Variants in LAMA2 observed in about 807,000 individuals in gnomAD.
LAMA2 encodes laminin subunit alpha 2.
Under a neutral mutation model 364.8 loss-of-function variants are expected in LAMA2, and 269 were observed. That is an observed-to-expected ratio of 0.74 (90% CI 0.67 to 0.82). The LOEUF is 0.82. LAMA2 is among the 40% of genes least tolerant of loss of function. The pLI, the probability that LAMA2 is intolerant of heterozygous loss-of-function variation, is 0.00. For synonymous variants in LAMA2, 1,379 were observed against 1,370.6 expected, an observed-to-expected ratio of 1.01 and a Z score of -0.14; for missense variants, 3,807 against 3,873.2, an observed-to-expected ratio of 0.98 and a Z score of 0.45.
Position 128,921,697 on chromosome 6 carries a change from G to GTTTTTTTTTTTTTTT in LAMA2, c.112+38342_112+38356dup, listed in dbSNP as rs547882651. On this transcript the variant is annotated intron_variant, in intron 1 of 64. Coordinates refer to ENST00000421865, the MANE Select transcript of LAMA2 (RefSeq NM_000426.4). ...CTCCTGAACTGTGAAATGAATGTCT[G>GTTTTTTTTTTTTTTT]TTTTTTTTTTTTTTTTATTATTATT... Among the ~76,000 whole-genome samples the GTTTTTTTTTTTTTTT allele has an allele frequency of 1.3e-3, 148 of 117,982 alleles. 2 individuals carry two copies. Among genetic ancestry groups the GTTTTTTTTTTTTTTT allele is most frequent in the Middle Eastern group, 4.4e-3 (1 of 226 alleles). The allele number at this position is 117,982 out of a possible 152,430, so 77.4% of individuals were successfully genotyped here.
intron 12 of LAMA2, among the ~76,000 whole-genome samples, chr6:129,210,024 A>AAAAAAAAT (rs200129656): frequency 8.9e-5 from 13 of 145,314 alleles, no homozygotes; most frequent in African/African-American, 2.3e-4. Flanking sequence ...AAAAAAAAAA[A>AAAAAAAAT]ATTTTTACTA....
intron 10 of LAMA2, among the ~76,000 whole-genome samples, chr6:129,179,312 A>C (rs2115018205): frequency 6.6e-6 from 1 of 152,292 alleles, no homozygotes; most frequent in South Asian, 2.1e-4. Flanking sequence ...AACTAAGCTT[A>C]AAATGGAAAA....
chr6:129,222,588 C>A (rs1029519379), intron 12 of LAMA2, among the ~76,000 whole-genome samples: 1 of 144,936 alleles, frequency 6.9e-6, no homozygotes, highest in African/African-American at 2.6e-5. Flanking sequence ...TGAGAATATG[C>A]GATGTTTAGT....
chr6:129,507,678 A>G (rs755068154), intron 62 of LAMA2, 36 bp downstream of exon 62: 10 of 1,600,862 alleles, frequency 6.2e-6, no homozygotes, highest in Non-Finnish European at 7.7e-6. Context: ...TTGATTATTA[A>G]CTAGATACAA....
chr6:129,476,073 G>C (rs991747909), intron 53 of LAMA2, among the ~76,000 whole-genome samples: 3 of 152,174 alleles, frequency 2.0e-5, no homozygotes, highest in Admixed American at 6.6e-5. Flanking sequence ...ATTCTTACTA[G>C]CATTAGCATA....
At chr6:129,190,399 T>A in intron 11 of LAMA2, 54 bp downstream of exon 11, 1 of 1,583,842 alleles carries the variant, frequency 6.3e-7, no homozygotes, top group Non-Finnish European at 8.7e-7. Flanking sequence ...TCTTTGTTGC[T>A]TTCATCGTTG....
chr6:129,352,651 A>G (rs1385399260), intron 31 of LAMA2, among the ~76,000 whole-genome samples: 1 of 152,176 alleles, frequency 6.6e-6, no homozygotes, highest in African/African-American at 2.4e-5. Context: ...CTAATTATAC[A>G]AGAGGACTTA....
intron 1 of LAMA2, among the ~76,000 whole-genome samples, chr6:128,994,050 A>G (rs1258107647): frequency 6.6e-6 from 1 of 152,210 alleles, no homozygotes; most frequent in Non-Finnish European, 1.5e-5. Flanking sequence ...GATATTTATA[A>G]CAAAAGATCT....
intron 56 of LAMA2, among the ~76,000 whole-genome samples, chr6:129,489,245 C>T (rs549434272): frequency 1.4e-4 from 22 of 152,208 alleles, no homozygotes; most frequent in African/African-American, 5.1e-4. Flanking sequence ...GCTTTAATAC[C>T]GCCTCACAAA....
At position 129,512,645 on chromosome 6, in the gene LAMA2, A is replaced by C. The variant is rs1786692684; in HGVS notation, c.8988+152A>C. 4 of 894,888 alleles carry C rather than the reference A, an allele frequency of 4.5e-6. No individual in the cohort carries two copies. The Admixed American group carries it at 7.5e-5, about 17-fold the overall frequency. 55.4% of individuals were successfully genotyped at this position (894,888 alleles called of 1,614,324 possible). ...TTGTATGTTTTCATCCTTCTGGATTACTTCAATTTGTGTATGTTTTCAGCA... is the reference window on the plus strand; with the variant it reads ...TTGTATGTTTTCATCCTTCTGGATTCCTTCAATTTGTGTATGTTTTCAGCA... On this transcript the variant is annotated intron_variant, in intron 63 of 64. Transcript: ENST00000421865.
chr6:129,364,728 A>G (rs1777659987), intron 32 of LAMA2, among the ~76,000 whole-genome samples: 2 of 152,204 alleles, frequency 1.3e-5, no homozygotes, highest in South Asian at 2.1e-4. Context: ...CAAAAATATT[A>G]TGGTGAGTGT....
chr6:128,917,605 A>G (rs1778404433), intron 1 of LAMA2, among the ~76,000 whole-genome samples: 1 of 151,640 alleles, frequency 6.6e-6, no homozygotes, highest in Admixed American at 6.6e-5. Flanking sequence ...CTCCACAACC[A>G]CTTTACTGAA....
chr6:129,511,548 T>C (rs948898715), intron 62 of LAMA2, among the ~76,000 whole-genome samples: 1 of 152,174 alleles, frequency 6.6e-6, no homozygotes, highest in African/African-American at 2.4e-5. Flanking sequence ...CCATCCTTCA[T>C]TGCAGACAGC....
At chr6:129,141,560 T>C (rs1778125496) in intron 4 of LAMA2, among the ~76,000 whole-genome samples, 2 of 152,092 alleles carry the variant, frequency 1.3e-5, no homozygotes, top group African/African-American at 2.4e-5. Flanking sequence ...GTTTCTCATC[T>C]CAGAGTTTGC....
intron 2 of LAMA2, among the ~76,000 whole-genome samples, chr6:129,053,045 G>A (rs1397205767): frequency 1.3e-5 from 2 of 152,078 alleles, no homozygotes; most frequent in African/African-American, 4.8e-5. Flanking sequence ...TCCTATTAAT[G>A]ACTCTGGTTA....
intron 24 of LAMA2, among the ~76,000 whole-genome samples, 193 bp downstream of exon 24, chr6:129,314,991 A>T (rs1774487310): frequency 6.6e-6 from 1 of 152,180 alleles, no homozygotes. Context: ...TTTGTTCTTA[A>T]AAGTAGTTCA....
intron 4 of LAMA2, among the ~76,000 whole-genome samples, chr6:129,141,804 G>A (rs1778136641): frequency 1.3e-5 from 2 of 151,998 alleles, no homozygotes; most frequent in African/African-American, 2.4e-5. Flanking sequence ...GCATCTCCCA[G>A]ATAGCACAGA....
intron 22 of LAMA2, among the ~76,000 whole-genome samples, chr6:129,306,432 T>C (rs1773881235): frequency 6.6e-6 from 1 of 151,338 alleles, no homozygotes; most frequent in Non-Finnish European, 1.5e-5. Context: ...TTTTGTTTTC[T>C]TTTTGTGTGT....
At chr6:129,060,957 TG>T (rs1788872492) in intron 3 of LAMA2, among the ~76,000 whole-genome samples, 1 of 152,174 alleles carries the variant, frequency 6.6e-6, no homozygotes, top group South Asian at 2.1e-4. Context: ...TATCACCAAA[TG>T]GCATGGACTT....
Sources: gnomAD v4.1 joint callset for allele counts (sites outside exome capture counted in the v4.1 genomes callset) on GRCh38, gnomAD v4.1.1 for gene constraint, MANE v1.5 for transcripts, NCBI Gene and HGNC (gene_info 2026-07-23, HGNC 2026-07-21) for gene names.